Variants in STAG2 observed in about 807,000 individuals in gnomAD.
STAG2 encodes STAG2 cohesin complex component.
Under a neutral mutation model 108.1 loss-of-function variants are expected in STAG2, and 14 were observed. The ratio of observed to expected loss-of-function variants is 0.13; its 90% CI spans 0.09 to 0.20. The LOEUF (loss-of-function observed/expected upper bound fraction) is 0.20. Among genes scored for constraint, STAG2 ranks in the 10% least tolerant of loss-of-function variants. The probability of loss-of-function intolerance (pLI) is 1.00; values close to 1 mark genes in which losing one functional copy is unlikely to be tolerated. For missense variants in STAG2, 440 were observed against 940.9 expected, an observed-to-expected ratio of 0.47 and a Z score of 6.96; for synonymous variants, 307 against 302.7, an observed-to-expected ratio of 1.01 and a Z score of -0.15.
intron 1 of STAG2, among the ~76,000 whole-genome samples, chrX:123,991,164 A>G (rs756068299): frequency 8.9e-6 from 1 of 112,055 alleles, no homozygotes; most frequent in South Asian, 3.7e-4. Context: ...TCCAATGTAC[A>G]TAATTGTATA....
intron 1 of STAG2, among the ~76,000 whole-genome samples, chrX:124,007,234 C>T (rs575757378): frequency 2.8e-5 from 3 of 107,200 alleles, no homozygotes; most frequent in African/African-American, 1.0e-4. Context: ...CCAGGCTGGT[C>T]TCAAACCCCT....
chrX:124,034,878 GTTATTA>G (rs112336660), intron 5 of STAG2, among the ~76,000 whole-genome samples: 13 of 83,897 alleles, frequency 1.5e-4, no homozygotes, highest in African/African-American at 3.4e-4. Context: ...TGTTGTTGTT[GTTATTA>G]TTATTATTAT....
chrX:123,974,857 A>G (rs768837313), intron 1 of STAG2, among the ~76,000 whole-genome samples: 14 of 111,849 alleles, frequency 1.3e-4, no homozygotes, highest in Middle Eastern at 4.6e-3. Flanking sequence ...GATTACAGGC[A>G]TGAGCCACCA....
chrX:123,993,645 C>T (rs1393239433), intron 1 of STAG2, among the ~76,000 whole-genome samples: 2 of 111,104 alleles, frequency 1.8e-5, no homozygotes, highest in Non-Finnish European at 1.9e-5. Flanking sequence ...TTCTCTAAAA[C>T]TGGGTAATCC....
At chrX:123,986,350 C>A (rs1281372737) in intron 1 of STAG2, among the ~76,000 whole-genome samples, 1 of 110,318 alleles carries the variant, frequency 9.1e-6, no homozygotes, top group Non-Finnish European at 1.9e-5. Flanking sequence ...TCTAATCTTC[C>A]ATGTCTTTGA....
intron 23 of STAG2, 58 bp from the exon 24 acceptor site, chrX:124,068,506 A>C (rs182757912): frequency 0.022 from 17,873 of 803,483 alleles, 158 homozygotes; most frequent in Middle Eastern, 0.044. Flanking sequence ...AACATTTTAA[A>C]GAAATGCTGA....
At chrX:123,991,191 C>G (rs966730598) in intron 1 of STAG2, among the ~76,000 whole-genome samples, 5 of 111,991 alleles carry the variant, frequency 4.5e-5, no homozygotes, top group Middle Eastern at 4.6e-3. Context: ...ACTCATATAC[C>G]TATCACCTAG....
intron 1 of STAG2, among the ~76,000 whole-genome samples, chrX:124,009,093 A>C (rs1256272299): frequency 8.9e-6 from 1 of 111,754 alleles, no homozygotes; most frequent in African/African-American, 3.2e-5. Context: ...ATTTGTTTTT[A>C]ATAATATATT....
intron 1 of STAG2, among the ~76,000 whole-genome samples, chrX:124,019,065 T>C (rs1196166502): frequency 9.7e-6 from 1 of 102,601 alleles, no homozygotes; most frequent in Non-Finnish European, 2.0e-5. Context: ...TTTTTTTTTT[T>C]TTTTTTTTTA....
At chrX:124,003,313 TG>T (rs2056138086) in intron 1 of STAG2, among the ~76,000 whole-genome samples, 1 of 111,566 alleles carries the variant, frequency 9.0e-6, no homozygotes, top group Admixed American at 9.6e-5. Flanking sequence ...TTTGCGTCAC[TG>T]ATTTCATTGT....
intron 25 of STAG2, among the ~76,000 whole-genome samples, chrX:124,072,603 G>T (rs2058690741): frequency 9.0e-6 from 1 of 110,624 alleles, no homozygotes; most frequent in Non-Finnish European, 1.9e-5. Flanking sequence ...TTACTAGATG[G>T]TATGGATATG....
At chrX:124,047,330 C>T (rs1333391573) in intron 8 of STAG2, 24 bp from the exon 9 acceptor site, 46 of 1,137,958 alleles carry the variant, frequency 4.0e-5, no homozygotes, top group Non-Finnish European at 5.4e-5. Flanking sequence ...TTAGTTTCAC[C>T]ATACTTTTAC....
chrX:124,001,564 A>G (rs1367034546), intron 1 of STAG2, among the ~76,000 whole-genome samples: 2 of 111,645 alleles, frequency 1.8e-5, no homozygotes, highest in Non-Finnish European at 1.9e-5. Context: ...CTATACAGGT[A>G]TACCATTTTT....
At chrX:124,053,092 C>T (rs908315451) in intron 13 of STAG2, among the ~76,000 whole-genome samples, 1 of 112,033 alleles carries the variant, frequency 8.9e-6, no homozygotes, top group Non-Finnish European at 1.9e-5. Flanking sequence ...GCTGGGATTA[C>T]AGGCATGAGC....
chrX:124,061,927 G>A (rs1205547465), intron 17 of STAG2, 53 bp downstream of exon 17: 2 of 919,842 alleles, frequency 2.2e-6, no homozygotes, highest in South Asian at 2.6e-5. Flanking sequence ...TCCTTTTTCA[G>A]TATCTTTTTA....
At chrX:124,072,904 C>CTTT (rs779996801) in intron 25 of STAG2, among the ~76,000 whole-genome samples, 170 of 72,612 alleles carry the variant, frequency 2.3e-3, no homozygotes, top group Middle Eastern at 7.2e-3. Flanking sequence ...TTCTTTCTTT[C>CTTT]TTTTTTTTTT....
chrX:124,018,990 T>C (rs1171443687), intron 1 of STAG2, among the ~76,000 whole-genome samples: 1 of 110,442 alleles, frequency 9.1e-6, no homozygotes, highest in East Asian at 2.8e-4. Flanking sequence ...GAACTGTTTT[T>C]ATGGCAAATA....
chrX:124,072,609 A>T (rs983548225), intron 25 of STAG2, among the ~76,000 whole-genome samples: 7 of 110,807 alleles, frequency 6.3e-5, no homozygotes, highest in Non-Finnish European at 1.3e-4. Flanking sequence ...GATGGTATGG[A>T]TATGAAAAGA....
chrX:124,041,034 A>G (rs1169072192), intron 6 of STAG2, among the ~76,000 whole-genome samples: 1 of 106,698 alleles, frequency 9.4e-6, no homozygotes, highest in African/African-American at 3.4e-5. Flanking sequence ...TATTTTTAGT[A>G]GTGACGGGGT....
Sources: allele counts gnomAD v4.1 joint callset (sites outside exome capture counted in the v4.1 genomes callset), GRCh38; gene constraint gnomAD v4.1.1; transcripts MANE v1.5; gene names NCBI Gene and HGNC (gene_info 2026-07-23, HGNC 2026-07-21).